The following SNX13 variants were observed in gnomAD, a reference collection of about 807,000 sequenced individuals.
The protein encoded by SNX13 is sorting nexin-13.
In SNX13, 45 loss-of-function variants were observed where a neutral mutation model predicts 133.6. That is an observed-to-expected ratio of 0.34 (90% confidence interval 0.27 to 0.43). The LOEUF (loss-of-function observed/expected upper bound fraction) is 0.43, where lower values mean the gene tolerates loss of function less well. Among genes scored for constraint, SNX13 ranks in the 20% least tolerant of loss-of-function variants. The pLI is 1.00. For missense variants in SNX13, 1,032 were observed against 1,145.1 expected (o/e 0.90, Z 1.43); for synonymous variants, 414 against 373.9 (o/e 1.11, Z -1.24).
chr7:17,935,583 T>C (rs967969343), intron 1 of SNX13, among the ~76,000 whole-genome samples: 1 of 152,218 alleles, frequency 6.6e-6, no homozygotes, highest in Non-Finnish European at 1.5e-5. Context: ...TATCACCCTG[T>C]ACCCCATAAA....
chr7:17,923,948 A>G (rs1800432711), intron 1 of SNX13, among the ~76,000 whole-genome samples: 2 of 152,256 alleles, frequency 1.3e-5, no homozygotes, highest in South Asian at 4.1e-4. Context: ...GATAGAATTC[A>G]TCAAAAATAC....
chr7:17,919,586 G>T (rs1164076487), intron 1 of SNX13, among the ~76,000 whole-genome samples: 1 of 152,092 alleles, frequency 6.6e-6, no homozygotes, highest in Non-Finnish European at 1.5e-5. Context: ...ACTTAGAAAT[G>T]TACCCCTAGA....
intron 12 of SNX13, 102 bp from the exon 13 acceptor site, chr7:17,840,102 TA>T (rs1388915439): frequency 2.3e-6 from 2 of 878,056 alleles, no homozygotes; most frequent in African/African-American, 3.5e-5. Flanking sequence ...TTCAAGTGTT[TA>T]AAACTCCACA....
chr7:17,912,223 T>A lies in SNX13; in HGVS notation c.13-14777A>T, dbSNP rs1179682456. ...GAAAAGTAAGTGAAGCTCCAGTACATGAAAGGGACAGTCAGTATCCCTCTG... is the reference window on the plus strand; with the variant it reads ...GAAAAGTAAGTGAAGCTCCAGTACAAGAAAGGGACAGTCAGTATCCCTCTG... On this transcript the variant is annotated intron_variant, in intron 1 of 25. Transcript: ENST00000428135. Among the ~76,000 whole-genome samples, 3 of 152,098 alleles carry A rather than the reference T, an allele frequency of 2.0e-5. No individual in the cohort carries two copies. In the East Asian group the frequency reaches 5.8e-4, roughly 29 times the overall value.
chr7:17,853,097 T>C (rs1583483137), intron 9 of SNX13, among the ~76,000 whole-genome samples: 1 of 152,120 alleles, frequency 6.6e-6, no homozygotes. Context: ...AATTTAATGA[T>C]TGCAAGGCAA....
chr7:17,919,086 C>T (rs1180274514), intron 1 of SNX13, among the ~76,000 whole-genome samples: 1 of 152,066 alleles, frequency 6.6e-6, no homozygotes, highest in East Asian at 1.9e-4. Context: ...CTGGCCACTG[C>T]AAAAGAGGGG....
At chr7:17,924,505 C>G (rs746497238) in intron 1 of SNX13, among the ~76,000 whole-genome samples, 3 of 152,194 alleles carry the variant, frequency 2.0e-5, no homozygotes, top group Non-Finnish European at 2.9e-5. Flanking sequence ...AACCTTCCTA[C>G]ACTCCTGGTA....
chr7:17,901,085 G>A (rs1342657423), intron 1 of SNX13, among the ~76,000 whole-genome samples: 1 of 152,136 alleles, frequency 6.6e-6, no homozygotes, highest in African/African-American at 2.4e-5. Flanking sequence ...GTTCCCTTCT[G>A]GCCAAAGGTG....
intron 2 of SNX13, among the ~76,000 whole-genome samples, chr7:17,896,465 T>C (rs972536018): frequency 1.3e-5 from 2 of 152,148 alleles, no homozygotes; most frequent in Non-Finnish European, 2.9e-5. Flanking sequence ...CAGTGTCCTA[T>C]ACAGTTTCTC....
chr7:17,818,680 A>G (rs1786943864), intron 18 of SNX13, among the ~76,000 whole-genome samples: 1 of 152,202 alleles, frequency 6.6e-6, no homozygotes, highest in Non-Finnish European at 1.5e-5. Context: ...AAAATAAATT[A>G]TATCAGAGGA....
intron 9 of SNX13, among the ~76,000 whole-genome samples, chr7:17,852,775 C>A (rs1443131945): frequency 1.3e-5 from 2 of 151,938 alleles, no homozygotes; most frequent in Non-Finnish European, 2.9e-5. Flanking sequence ...TGTAAAATTG[C>A]CAAAGCAATA....
chr7:17,831,118 A>C, intron 15 of SNX13: 1 of 984,376 alleles, frequency 1.0e-6, no homozygotes, highest in Non-Finnish European at 1.2e-6. Flanking sequence ...CACCAAAGAC[A>C]AGTCAAGTTA....
Position 17,940,488 on chromosome 7 carries a change from G to A in SNX13, c.-193C>T. On this transcript the variant is annotated 5_prime_UTR_variant, in exon 1 of 26. Coordinates refer to ENST00000428135, the MANE Select transcript of SNX13 (RefSeq NM_015132.5). ...TCGCGACGGACGCGCCGCCATCTTG[G>A]AAGAGCGACGTCCGCGTCTCGCTGC... The A allele has an allele frequency of 1.4e-6, 1 of 715,978 alleles. No homozygotes were observed. The highest frequency in any genetic ancestry group is 2.5e-6 in the Non-Finnish European group (1 of 398,420). The allele number at this position is 715,978 out of a possible 1,614,324, so 44.4% of individuals were successfully genotyped here.
At chr7:17,902,303 A>T (rs1295405566) in intron 1 of SNX13, among the ~76,000 whole-genome samples, 5 of 149,072 alleles carry the variant, frequency 3.4e-5, no homozygotes, top group Admixed American at 1.3e-4. Flanking sequence ...AGTTTGAGAG[A>T]AATTTTTAAA....
intron 1 of SNX13, among the ~76,000 whole-genome samples, chr7:17,917,560 G>GA (rs1034283650): frequency 6.0e-5 from 9 of 149,790 alleles, no homozygotes; most frequent in African/African-American, 2.0e-4. Context: ...GCAATAAAAA[G>GA]AAAAAAATAC....
rs749810342 is a variant in SNX13, at chr7:17,796,827, C to T, written c.2626G>A (p.Asp876Asn). The T allele has an allele frequency of 6.3e-7, 1 of 1,594,644 alleles. No individual in the cohort carries two copies. The highest frequency in any genetic ancestry group is 1.1e-5 in the South Asian group (1 of 90,700). The change falls in exon 25 of 26, where the codon GAT becomes AAT. Residue 876 changes from aspartate to asparagine, a missense_variant and splice_region_variant. Physicochemically the swap from Asp to Asn is conservative, Grantham distance 23. Coordinates refer to ENST00000428135, the MANE Select transcript of SNX13 (RefSeq NM_015132.5). ...TTTTTAACTATACATGCTCACTCACCTGGCATAATTGCAAGTAATTTCGTT... is the reference window on the plus strand; with the variant it reads ...TTTTTAACTATACATGCTCACTCACTTGGCATAATTGCAAGTAATTTCGTT... ...GKTKLLAIMP[D>N]ELKHIIGAET...
rs1272456525 is a variant in SNX13 at position 17,791,319 on chromosome 7, T to C, written c.*2726A>G. The C allele has an allele frequency of 6.6e-6, 1 of 151,842 alleles. No individual in the cohort carries two copies. Among genetic ancestry groups the C allele is most frequent in the Non-Finnish European group, 1.5e-5 (1 of 67,844 alleles). The allele number at this position is 151,842 out of a possible 1,614,324, so 9.4% of individuals were successfully genotyped here. On this transcript the variant is annotated 3_prime_UTR_variant, in exon 26 of 26. Coordinates refer to ENST00000428135, the MANE Select transcript of SNX13 (RefSeq NM_015132.5). ...GTAGCACTTAACTGATTGATTTTTC[T>C]TCCCAAATACCAGCAGCACAAACTT...
intron 16 of SNX13, 73 bp from the exon 17 acceptor site, chr7:17,826,164 A>G: frequency 1.1e-6 from 1 of 901,738 alleles, no homozygotes; most frequent in Non-Finnish European, 1.7e-6. Context: ...ATTCTACATC[A>G]TATATGCATT....
At chr7:17,908,722 A>G (rs1274135090) in intron 1 of SNX13, among the ~76,000 whole-genome samples, 1 of 152,222 alleles carries the variant, frequency 6.6e-6, no homozygotes, top group Non-Finnish European at 1.5e-5. Context: ...TAAATAAAGC[A>G]TAGTTTTCCT....
Sources: gnomAD v4.1 joint callset for allele counts (sites outside exome capture counted in the v4.1 genomes callset) on GRCh38, gnomAD v4.1.1 for gene constraint, MANE v1.5 for transcripts, NCBI Gene and HGNC (gene_info 2026-07-23, HGNC 2026-07-21) for gene names.